Variants in FRMD4B observed in about 807,000 individuals in gnomAD.
The protein encoded by FRMD4B is FERM domain-containing protein 4B.
Under a neutral mutation model 141.5 loss-of-function variants are expected in FRMD4B, and 74 were observed. That is an observed-to-expected ratio of 0.52 (90% CI 0.43 to 0.63). The LOEUF is 0.63. Ranked by LOEUF, FRMD4B falls within the 30% of genes least tolerant of loss-of-function variation. The pLI, the probability that FRMD4B is intolerant of heterozygous loss-of-function variation, is 0.00. For missense variants in FRMD4B, 1,366 were observed against 1,253.4 expected, an observed-to-expected ratio of 1.09 and a Z score of -1.36; for synonymous variants, 506 against 467.9, an observed-to-expected ratio of 1.08 and a Z score of -1.05.
In FRMD4B at chr3:69,283,564, C is replaced by T. The variant is rs144832189; in HGVS notation, c.501+4188G>A. On this transcript the variant is annotated intron_variant, in intron 5 of 22. Transcript: ENST00000398540. The stretch of plus-strand genomic sequence containing the variant: ...TTAGCATGCAGAGGTACAAGAGAAA[C>T]GTCATGAGTTGAAAATCTTCATTCT... Among the ~76,000 whole-genome samples the T allele has an allele frequency of 9.3e-4, 141 of 152,228 alleles. 2 individuals carry two copies. The highest frequency in any genetic ancestry group is 3.1e-3 in the African/African-American group (128 of 41,534).
Position 69,302,359 on chromosome 3 carries a change from A to G in FRMD4B, c.400T>C (p.Leu134=). 2 of 1,602,228 alleles carry G rather than the reference A, an allele frequency of 1.2e-6. No individual in the cohort carries two copies. Among genetic ancestry groups the G allele is most frequent in the Non-Finnish European group, 1.7e-6 (2 of 1,170,722 alleles). ...DLPKKPGPTI[L]HFAVRFYIES... ...GATACATACCTCACAGCAAAGTGCA[A>G]AATGGTTGGGCCTGGTTTCTTGGGC... Residue 134 remains leucine, a synonymous_variant, in exon 4 of 23, where the codon TTG becomes CTG. Coordinates refer to ENST00000398540, the MANE Select transcript of FRMD4B (RefSeq NM_015123.3).
At chr3:69,493,366 C>T (rs1311484694) in intron 1 of FRMD4B, among the ~76,000 whole-genome samples, 1 of 152,088 alleles carries the variant, frequency 6.6e-6, no homozygotes, top group Non-Finnish European at 1.5e-5. Flanking sequence ...CACGTGGGAG[C>T]AATAGGGAGT....
chr3:69,479,853 G>A (rs547954433), intron 1 of FRMD4B, among the ~76,000 whole-genome samples: 23 of 152,114 alleles, frequency 1.5e-4, no homozygotes, highest in South Asian at 1.2e-3. Flanking sequence ...GCAATCTGAC[G>A]TAGATTTGGT....
At chr3:69,200,100 A>G (rs2107667248) in intron 11 of FRMD4B, among the ~76,000 whole-genome samples, 1 of 152,334 alleles carries the variant, frequency 6.6e-6, no homozygotes, top group Admixed American at 6.5e-5. Context: ...GCAATGCACT[A>G]TCAGCAAAAC....
chr3:69,235,595 G>T (rs1262369850), intron 7 of FRMD4B, among the ~76,000 whole-genome samples: 2 of 151,578 alleles, frequency 1.3e-5, no homozygotes, highest in Admixed American at 1.3e-4. Context: ...GGAGGCGGAG[G>T]TTGCAGTGAG....
intron 2 of FRMD4B, among the ~76,000 whole-genome samples, chr3:69,419,085 T>A (rs1029498723): frequency 6.6e-6 from 1 of 152,114 alleles, no homozygotes; most frequent in Non-Finnish European, 1.5e-5. Flanking sequence ...TGTGAAATGG[T>A]TGACAGCCAG....
intron 2 of FRMD4B, among the ~76,000 whole-genome samples, chr3:69,396,776 C>A (rs1417708038): frequency 6.6e-6 from 1 of 152,094 alleles, no homozygotes; most frequent in African/African-American, 2.4e-5. Context: ...ACTGGAGTTC[C>A]TCAAAAAGTT....
chr3:69,527,103 G>C (rs1448127495), intron 1 of FRMD4B, among the ~76,000 whole-genome samples: 1 of 151,968 alleles, frequency 6.6e-6, no homozygotes, highest in Non-Finnish European at 1.5e-5. Context: ...TGGGGCATGG[G>C]TCTCTCTCTC....
intron 1 of FRMD4B, among the ~76,000 whole-genome samples, chr3:69,521,516 CTTTTA>C (rs1700855585): frequency 6.6e-6 from 1 of 152,096 alleles, no homozygotes; most frequent in Non-Finnish European, 1.5e-5. Context: ...TCCCATGTGA[CTTTTA>C]TTTTAAAGTG....
intron 1 of FRMD4B, among the ~76,000 whole-genome samples, chr3:69,345,135 C>T (rs994659251): frequency 5.9e-5 from 9 of 152,324 alleles, no homozygotes; most frequent in African/African-American, 2.2e-4. Context: ...GTCACTCCCA[C>T]CCTAATACTG....
At chr3:69,495,757 AAG>A in intron 1 of FRMD4B, among the ~76,000 whole-genome samples, 1 of 152,344 alleles carries the variant, frequency 6.6e-6, no homozygotes, top group Admixed American at 6.5e-5. Context: ...CACAAGAAGA[AAG>A]AGATGCTAAA....
intron 22 of FRMD4B, among the ~76,000 whole-genome samples, chr3:69,174,715 T>C (rs1282081441): frequency 6.6e-6 from 1 of 152,212 alleles, no homozygotes; most frequent in East Asian, 1.9e-4. Flanking sequence ...TAACACTTCC[T>C]GAGTCCAATT....
chr3:69,467,438 T>C (rs906659406), intron 1 of FRMD4B, among the ~76,000 whole-genome samples: 4 of 152,128 alleles, frequency 2.6e-5, no homozygotes, highest in African/African-American at 9.7e-5. Flanking sequence ...GCTATGGAGA[T>C]TCACAGCCAG....
At chr3:69,222,467 C>CAAA (rs11293743) in intron 8 of FRMD4B, among the ~76,000 whole-genome samples, 39 of 94,738 alleles carry the variant, frequency 4.1e-4, no homozygotes, top group Non-Finnish European at 5.0e-4. Context: ...AAATCCATCT[C>CAAA]AAAAAAAAAA....
intron 11 of FRMD4B, among the ~76,000 whole-genome samples, chr3:69,210,675 A>G (rs1000807572): frequency 1.1e-4 from 16 of 152,172 alleles, no homozygotes; most frequent in African/African-American, 3.6e-4. Flanking sequence ...TGCTTAATGA[A>G]TTAGGAGGTG....
At chr3:69,348,160 G>A (rs1381417004) in intron 1 of FRMD4B, among the ~76,000 whole-genome samples, 18 of 152,220 alleles carry the variant, frequency 1.2e-4, no homozygotes, top group East Asian at 5.8e-4. Context: ...TATCACCATC[G>A]ATCCCACAGA....
chr3:69,505,978 C>T (rs1387687250), intron 1 of FRMD4B, among the ~76,000 whole-genome samples: 1 of 152,148 alleles, frequency 6.6e-6, no homozygotes, highest in East Asian at 1.9e-4. Context: ...AGAGAGCTGC[C>T]TCATTTACAG....
chr3:69,467,060 AG>A (rs1191795965), intron 1 of FRMD4B, among the ~76,000 whole-genome samples: 1 of 152,164 alleles, frequency 6.6e-6, no homozygotes, highest in African/African-American at 2.4e-5. Flanking sequence ...GCAAAGCAAA[AG>A]TTAGAAAGCC....
chr3:69,231,274 G>T (rs1227456872), intron 7 of FRMD4B, among the ~76,000 whole-genome samples: 1 of 152,146 alleles, frequency 6.6e-6, no homozygotes, highest in Admixed American at 6.5e-5. Flanking sequence ...ACTGGCTGTG[G>T]TTGTATTGCT....
Sources: gnomAD v4.1 joint callset for allele counts (sites outside exome capture counted in the v4.1 genomes callset) on GRCh38, gnomAD v4.1.1 for gene constraint, MANE v1.5 for transcripts, NCBI Gene and HGNC (gene_info 2026-07-23, HGNC 2026-07-21) for gene names.